Variants in ABR observed in about 807,000 individuals in gnomAD.
ABR encodes ABR activator of RhoGEF and GTPase, also known as active breakpoint cluster region-related protein.
A neutral mutation model predicts 107.2 loss-of-function variants in ABR; 35 were observed. The observed-to-expected ratio is 0.33, with a 90% CI of 0.25 to 0.43. The LOEUF is 0.43. Among genes scored for constraint, ABR ranks in the 20% least tolerant of loss-of-function variants. The probability of loss-of-function intolerance (pLI) is 1.00; values close to 1 mark genes in which losing one functional copy is unlikely to be tolerated. For synonymous variants in ABR, 498 were observed against 462.0 expected, an observed-to-expected ratio of 1.08 and a Z score of -1.00; for missense variants, 815 against 1,115.2, an observed-to-expected ratio of 0.73 and a Z score of 3.83.
rs563223285 is a variant in ABR, at chr17:1,144,649, T to C, written c.62-19282A>G. Among the ~76,000 whole-genome samples the C allele has an allele frequency of 2.6e-5, 4 of 151,230 alleles. No homozygotes were observed. The East Asian group carries it at 7.8e-4, about 29-fold the overall frequency. On this transcript the variant is annotated intron_variant, in intron 1 of 22. Transcript: ENST00000302538. Reference sequence around the variant, plus strand: ...GCTCACGCCTGCAATCCCAGCACTTTGGGAGGCTGAGGTGGGTGGATCACC... The same window carrying C: ...GCTCACGCCTGCAATCCCAGCACTTCGGGAGGCTGAGGTGGGTGGATCACC...
chr17:1,082,130 G>A (rs1441286241), intron 5 of ABR, among the ~76,000 whole-genome samples: 1 of 151,890 alleles, frequency 6.6e-6, no homozygotes, highest in African/African-American at 2.4e-5. Flanking sequence ...GAACACAAAG[G>A]GCCAAGAGGG....
At chr17:1,171,414 G>A (rs558085342) in intron 1 of ABR, among the ~76,000 whole-genome samples, 10 of 152,248 alleles carry the variant, frequency 6.6e-5, no homozygotes, top group Non-Finnish European at 1.0e-4. Flanking sequence ...GGCTTCTCTA[G>A]GCAGCACCAG....
At chr17:1,181,533 G>A (rs1237374754), upstream of ABR, among the ~76,000 whole-genome samples, 3 of 152,138 alleles carry the variant, frequency 2.0e-5, no homozygotes, top group Non-Finnish European at 2.9e-5. Context: ...CCCTCCCACC[G>A]TCCCTGACTA....
intron 1 of ABR, among the ~76,000 whole-genome samples, chr17:1,193,373 G>A (rs532275015): frequency 1.7e-4 from 25 of 151,320 alleles, no homozygotes; most frequent in Middle Eastern, 3.4e-3. Flanking sequence ...CAGTATTTAC[G>A]TTCTAGGCAC....
chr17:1,224,277 G>C (rs1003255145), intron 1 of ABR, among the ~76,000 whole-genome samples: 9 of 152,128 alleles, frequency 5.9e-5, no homozygotes, highest in African/African-American at 2.2e-4. Context: ...CAAGGTACTA[G>C]AAGGAAGATA....
upstream of ABR, among the ~76,000 whole-genome samples, chr17:1,188,236 C>T (rs980261777): frequency 5.9e-5 from 9 of 151,596 alleles, no homozygotes; most frequent in Admixed American, 2.0e-4. Context: ...ATAAAAATAA[C>T]AATGTGTGGG....
At chr17:1,099,189 C>A (rs1429343102) in intron 3 of ABR, among the ~76,000 whole-genome samples, 1 of 152,108 alleles carries the variant, frequency 6.6e-6, no homozygotes, top group Admixed American at 6.6e-5. Context: ...ATTCTCATGC[C>A]TCAGCCTCCT....
Position 1,012,817 on chromosome 17 carries a change from G to A in ABR, c.1852-20C>T, listed in dbSNP as rs371957685. 6.5e-7 allele frequency: 1 copy of A among 1,549,810 alleles called. No homozygotes were observed. Among genetic ancestry groups the A allele is most frequent in the South Asian group, 1.2e-5 (1 of 84,844 alleles). On this transcript the variant is annotated intron_variant, in intron 17 of 22. Coordinates refer to ENST00000302538, the MANE Select transcript of ABR (RefSeq NM_021962.5). The stretch of plus-strand genomic sequence containing the variant: ...TTTGATCTGGTTGGGGGGTGAGGCA[G>A]GTAAAGATTCCCCAGGGTGTGAGTG...
Position 1,010,769 on chromosome 17 carries a change from G to T in ABR, c.2196C>A (p.Leu732=). The change falls in exon 20 of 23, where the codon CTC becomes CTA. Residue 732 remains leucine (L), a synonymous_variant. Transcript: ENST00000302538. This position sits in a 1 kb window ranked among gnomAD's most constrained non-coding sequence, Gnocchi z 4.1. ...KLYFRELPEP[L]LTDRLYPAFM... is the part of the protein sequence containing the mutation. ...AGGCTGGGTAGAGTCGGTCCGTGAG[G>T]AGCGGCTCGGGCAGTTCCCGGAAGT... 6.2e-7 allele frequency: 1 copy of T among 1,613,814 alleles called. No homozygotes were observed. The highest frequency in any genetic ancestry group is 8.5e-7 in the Non-Finnish European group (1 of 1,180,018).
chr17:1,187,466 G>C (rs1486596668), upstream of ABR: 1 of 152,376 alleles, frequency 6.6e-6, no homozygotes, highest in Non-Finnish European at 1.5e-5. Flanking sequence ...TTGGACACAG[G>C]GCTGCAGGCT....
intron 16 of ABR, among the ~76,000 whole-genome samples, chr17:1,039,208 C>T (rs1261158543): frequency 2.0e-5 from 3 of 152,054 alleles, no homozygotes; most frequent in African/African-American, 7.2e-5. Flanking sequence ...CCTTCAGAGG[C>T]GGGTCAGGGG....
chr17:1,213,622 A>G (rs891401268), intron 1 of ABR, among the ~76,000 whole-genome samples: 1 of 151,824 alleles, frequency 6.6e-6, no homozygotes, highest in African/African-American at 2.4e-5. Flanking sequence ...CAAACTCCTG[A>G]CCTCGTGACT....
chr17:1,128,830 G>A (rs528357589), intron 1 of ABR, among the ~76,000 whole-genome samples: 2 of 120,730 alleles, frequency 1.7e-5, no homozygotes, highest in South Asian at 8.0e-4. Context: ...AGGGCACAGT[G>A]GAGCCCACCC....
chr17:1,020,958 C>T (rs1029948219), intron 16 of ABR, among the ~76,000 whole-genome samples: 1 of 152,134 alleles, frequency 6.6e-6, no homozygotes, highest in Non-Finnish European at 1.5e-5. Flanking sequence ...GGTGGCAGAG[C>T]CCCCATTCCA....
chr17:1,010,909 G>A lies in ABR; in HGVS notation c.2102-46C>T. 2 of 1,608,298 alleles carry A rather than the reference G, an allele frequency of 1.2e-6. No homozygotes were observed. Among genetic ancestry groups the A allele is most frequent in the Non-Finnish European group, 1.7e-6 (2 of 1,178,948 alleles). ...TCAGGCAGCCTTAGCTGGGCCAGCA[G>A]CCCCGTTCCACCCCCGACCCATCCT... On this transcript the variant is annotated intron_variant, in intron 19 of 22. Transcript: ENST00000302538. This position sits in a 1 kb window ranked among gnomAD's most constrained non-coding sequence, Gnocchi z 4.1.
At chr17:1,134,434 TAAA>T (rs1567809949) in intron 1 of ABR, among the ~76,000 whole-genome samples, 2 of 151,168 alleles carry the variant, frequency 1.3e-5, no homozygotes, top group Non-Finnish European at 3.0e-5. Flanking sequence ...ATTAATTAAT[TAAA>T]TTAAATTAAA....
Position 1,011,432 on chromosome 17 carries a change from C to G in ABR, c.2101+414G>C, listed in dbSNP as rs1166008640. On this transcript the variant is annotated intron_variant, in intron 19 of 22. Coordinates refer to ENST00000302538, the MANE Select transcript of ABR (RefSeq NM_021962.5). This position sits in a 1 kb window ranked among gnomAD's most constrained non-coding sequence, Gnocchi z 4.8. ...GGAGGAGAAACCAGAAAGGTCAGGCCTCACCATGGTGGGCTTCACGCAGAG... is the reference window on the plus strand; with the variant it reads ...GGAGGAGAAACCAGAAAGGTCAGGCGTCACCATGGTGGGCTTCACGCAGAG... The G allele has an allele frequency of 5.9e-6, 1 of 169,590 alleles. No homozygotes were observed. The highest frequency in any genetic ancestry group is 2.4e-5 in the African/African-American group (1 of 41,902). The allele number at this position is 169,590 out of a possible 1,614,324, so 10.5% of individuals were successfully genotyped here. A position where few individuals can be genotyped will look rare whatever the true frequency, so the allele number is the denominator to read the frequency against.
Position 1,078,732 on chromosome 17 carries a change from C to T in ABR, c.700+598G>A. On this transcript the variant is annotated intron_variant, in intron 6 of 22. Coordinates refer to ENST00000302538, the MANE Select transcript of ABR (RefSeq NM_021962.5). The surrounding 1 kb of genome is among the most constrained non-coding windows in gnomAD (Gnocchi z 7.5). ...CTCCTTCCCTGCGGCCCTCTAACCTCCCCGGCCACATCTAAGCCCACTCCA... is the reference window on the plus strand; with the variant it reads ...CTCCTTCCCTGCGGCCCTCTAACCTTCCCGGCCACATCTAAGCCCACTCCA... The T allele has an allele frequency of 7.0e-7, 1 of 1,433,654 alleles. No individual in the cohort carries two copies. The highest frequency in any genetic ancestry group is 1.7e-4 in the Middle Eastern group (1 of 5,746). 88.8% of individuals were successfully genotyped at this position (1,433,654 alleles called of 1,614,324 possible).
intron 2 of ABR, chr17:1,101,330 G>C (rs2037853220): frequency 6.6e-6 from 1 of 152,242 alleles, no homozygotes; most frequent in Admixed American, 6.5e-5. Context: ...ATAAAAGTCA[G>C]ATATTATTAT....
Sources: gnomAD v4.1 joint callset for allele counts (sites outside exome capture counted in the v4.1 genomes callset) on GRCh38, gnomAD v4.1.1 for gene constraint, Gnocchi (gnomAD v3.1) non-coding constraint, MANE v1.5 for transcripts, NCBI Gene and HGNC (gene_info 2026-07-23, HGNC 2026-07-21) for gene names.